Variants in TTC28 observed in about 807,000 individuals in gnomAD.
The protein encoded by TTC28 is tetratricopeptide repeat domain 28.
A neutral mutation model predicts 198.0 loss-of-function variants in TTC28; 61 were observed. The observed-to-expected ratio is 0.31, with a 90% CI of 0.25 to 0.38. TTC28 has a LOEUF of 0.38. Among genes scored for constraint, TTC28 ranks in the 10% least tolerant of loss-of-function variants. The pLI, the probability that TTC28 is intolerant of heterozygous loss-of-function variation, is 1.00. For synonymous variants in TTC28, 1,171 were observed against 1,297.8 expected (o/e 0.90, Z 2.10); for missense variants, 2,678 against 3,164.0 (o/e 0.85, Z 3.69).
chr22:27,979,806 T>A lies in TTC28; in HGVS notation c.*2415A>T, dbSNP rs1001230010. The A allele has an allele frequency of 1.3e-5, 2 of 152,254 alleles. No homozygotes were observed. Among genetic ancestry groups the A allele is most frequent in the Non-Finnish European group, 2.9e-5 (2 of 68,036 alleles). The allele number at this position is 152,254 out of a possible 1,614,324, so 9.4% of individuals were successfully genotyped here. ...CACCAAGACTGACATACACGTAAAG[T>A]GGCGGTGACTTTACAGTGGCCTCTA... On this transcript the variant is annotated 3_prime_UTR_variant, in exon 23 of 23. Transcript: ENST00000397906.
At chr22:28,215,796 A>C (rs1269105908) in intron 5 of TTC28, among the ~76,000 whole-genome samples, 1 of 152,208 alleles carries the variant, frequency 6.6e-6, no homozygotes, top group Admixed American at 6.5e-5. Context: ...TGAAATAAGC[A>C]TGGGAAAATA....
At chr22:28,073,823 C>T (rs563859329) in intron 12 of TTC28, among the ~76,000 whole-genome samples, 1 of 152,288 alleles carries the variant, frequency 6.6e-6, no homozygotes, top group African/African-American at 2.4e-5. Context: ...CTTGTGGACA[C>T]AGAAGGAGCT....
chr22:28,356,472 G>T (rs1344242318), intron 2 of TTC28, among the ~76,000 whole-genome samples: 2 of 152,140 alleles, frequency 1.3e-5, no homozygotes, highest in East Asian at 3.8e-4. Context: ...GGGGCTTCTT[G>T]TTCAAAAAAC....
chr22:28,235,916 C>T (rs897756249), intron 5 of TTC28, among the ~76,000 whole-genome samples: 1 of 152,174 alleles, frequency 6.6e-6, no homozygotes, highest in African/African-American at 2.4e-5. Context: ...TGCCAATAGA[C>T]GAACTTTTAA....
chr22:28,437,943 G>T (rs773341468), intron 2 of TTC28, among the ~76,000 whole-genome samples: 6 of 152,062 alleles, frequency 3.9e-5, no homozygotes, highest in Non-Finnish European at 8.8e-5. Context: ...ATAACAGTGG[G>T]GAGTCAAATG....
intron 2 of TTC28, among the ~76,000 whole-genome samples, chr22:28,536,198 C>CAAAAAAAAAAAAAAAAAAAAACAAAAAA (rs2049272014): frequency 1.6e-5 from 1 of 64,406 alleles, no homozygotes; most frequent in African/African-American, 5.8e-5. Flanking sequence ...GACACCGTCT[C>CAAAAAAAAAAAAAAAAAAAAACAAAAAA]AAAAAAAAAA....
intron 5 of TTC28, 29 bp from the exon 6 acceptor site, chr22:28,163,628 T>A: frequency 2.0e-6 from 3 of 1,485,732 alleles, no homozygotes; most frequent in Non-Finnish European, 2.7e-6. Flanking sequence ...AGTGGAGAAA[T>A]GAAAACACAT....
chr22:28,066,227 A>C (rs1367850426), intron 12 of TTC28, among the ~76,000 whole-genome samples: 2 of 151,720 alleles, frequency 1.3e-5, no homozygotes, highest in Non-Finnish European at 2.9e-5. Flanking sequence ...AATGATTATG[A>C]TTACCACACT....
At chr22:28,445,763 C>CAG (rs1458644131) in intron 2 of TTC28, among the ~76,000 whole-genome samples, 2 of 152,148 alleles carry the variant, frequency 1.3e-5, no homozygotes, top group African/African-American at 4.8e-5. Flanking sequence ...CTCACAATCT[C>CAG]ATCTAAGATA....
At chr22:28,420,593 T>TTTG (rs1017570854) in intron 2 of TTC28, among the ~76,000 whole-genome samples, 55 of 151,906 alleles carry the variant, frequency 3.6e-4, no homozygotes, top group South Asian at 8.3e-4. Context: ...AGGTGTTTTT[T>TTTG]TTGTTGTTGT....
intron 5 of TTC28, among the ~76,000 whole-genome samples, chr22:28,271,897 C>T (rs1025490804): frequency 6.6e-6 from 1 of 152,184 alleles, no homozygotes; most frequent in Non-Finnish European, 1.5e-5. Context: ...GCCACCGTGC[C>T]TGGCTGATCT....
chr22:28,327,677 T>C (rs564849846), intron 2 of TTC28, among the ~76,000 whole-genome samples: 1 of 152,318 alleles, frequency 6.6e-6, no homozygotes, highest in East Asian at 1.9e-4. Flanking sequence ...CATGTTTTGA[T>C]TAGAGGAAAA....
intron 2 of TTC28, among the ~76,000 whole-genome samples, chr22:28,535,681 G>A (rs1468800868): frequency 6.6e-6 from 1 of 152,064 alleles, no homozygotes; most frequent in African/African-American, 2.4e-5. Flanking sequence ...GAACCACGGG[G>A]ATGGACTTCC....
intron 13 of TTC28, among the ~76,000 whole-genome samples, chr22:28,020,201 C>T (rs1938535872): frequency 6.6e-6 from 1 of 152,250 alleles, no homozygotes; most frequent in Admixed American, 6.5e-5. Flanking sequence ...CACCCCGGGG[C>T]TCCAGCAGGT....
intron 12 of TTC28, among the ~76,000 whole-genome samples, chr22:28,092,042 C>A (rs1250810540): frequency 2.0e-4 from 31 of 152,208 alleles, no homozygotes; most frequent in Non-Finnish European, 1.5e-5. Flanking sequence ...TGGAGAAGAT[C>A]TCTCAGATGG....
chr22:28,208,171 T>C (rs557046672), intron 5 of TTC28, among the ~76,000 whole-genome samples: 5 of 152,254 alleles, frequency 3.3e-5, no homozygotes, highest in Admixed American at 3.3e-4. Flanking sequence ...AAAGGACACA[T>C]AGGTTTCCCC....
intron 2 of TTC28, among the ~76,000 whole-genome samples, chr22:28,466,574 CAG>C (rs1202326086): frequency 1.3e-5 from 2 of 152,138 alleles, no homozygotes; most frequent in African/African-American, 4.8e-5. Context: ...AAGAGCAGCA[CAG>C]TGTGTGATTA....
chr22:28,191,744 G>A (rs930204323), intron 5 of TTC28, among the ~76,000 whole-genome samples: 42 of 152,168 alleles, frequency 2.8e-4, no homozygotes, highest in African/African-American at 9.9e-4. Context: ...GCTGGGGGAG[G>A]GGTGCCTGAC....
intron 2 of TTC28, among the ~76,000 whole-genome samples, chr22:28,494,873 T>A (rs1251234628): frequency 1.3e-5 from 2 of 151,628 alleles, no homozygotes; most frequent in Admixed American, 6.6e-5. Context: ...ACAATTATAA[T>A]ACCCTCAGAG....
Sources: gnomAD v4.1 joint callset for allele counts (sites outside exome capture counted in the v4.1 genomes callset) on GRCh38, gnomAD v4.1.1 for gene constraint, MANE v1.5 for transcripts, NCBI Gene and HGNC (gene_info 2026-07-23, HGNC 2026-07-21) for gene names.